GRM8: variants seen among roughly 807,000 people sequenced by gnomAD.
GRM8 encodes glutamate metabotropic receptor 8.
A neutral mutation model predicts 87.2 loss-of-function variants in GRM8; 47 were observed. The ratio of observed to expected loss-of-function variants is 0.54; its 90% CI spans 0.43 to 0.69. GRM8 has a LOEUF of 0.69. Among genes scored for constraint, GRM8 ranks in the 30% least tolerant of loss-of-function variants. The pLI, the probability that GRM8 is intolerant of heterozygous loss-of-function variation, is 0.00. For synonymous variants in GRM8, 396 were observed against 404.5 expected (o/e 0.98, Z 0.25); for missense variants, 1,019 against 1,139.2 (o/e 0.89, Z 1.52).
intron 6 of GRM8, among the ~76,000 whole-genome samples, chr7:126,842,278 A>G (rs777967396): frequency 1.3e-5 from 2 of 152,224 alleles, no homozygotes; most frequent in Non-Finnish European, 2.9e-5. Context: ...AAGAGGCAAT[A>G]GGATACTGCA....
Position 126,822,589 on chromosome 7 carries a change from C to T in GRM8, c.1157-52524G>A, listed in dbSNP as rs938854823. Among the ~76,000 whole-genome samples, 7 of 151,648 alleles carry T rather than the reference C, an allele frequency of 4.6e-5. 1 individual carries two copies. The highest frequency in any genetic ancestry group is 1.7e-4 in the African/African-American group (7 of 41,240). ...CTCCCTTACTTTAGAGATGGGATCT[C>T]ACTATGTTGCCCAGGCTGGAGTGCA... On this transcript the variant is annotated intron_variant, in intron 6 of 10. Coordinates refer to ENST00000339582, the MANE Select transcript of GRM8 (RefSeq NM_000845.3).
intron 9 of GRM8, among the ~76,000 whole-genome samples, chr7:126,479,977 G>A (rs117525026): frequency 1.2e-4 from 19 of 152,200 alleles, no homozygotes; most frequent in Middle Eastern, 3.4e-3. Context: ...GAATGTGATG[G>A]CAACCCAAGG....
intron 2 of GRM8, among the ~76,000 whole-genome samples, chr7:127,197,451 G>T (rs1273372465): frequency 6.6e-6 from 1 of 152,062 alleles, no homozygotes; most frequent in East Asian, 1.9e-4. Context: ...AGAGGGAGAG[G>T]GTTGTGACCA....
At position 127,029,555 on chromosome 7, in the gene GRM8, T is replaced by C. The variant is rs147077234; in HGVS notation, c.727+76941A>G. Among the ~76,000 whole-genome samples the C allele has an allele frequency of 8.5e-3, 1,287 of 152,292 alleles. 26 individuals are homozygous for C. The highest frequency in any genetic ancestry group is 0.029 in the African/African-American group (1,218 of 41,566). ...ATATATATTTAGGATAGTTAGCTCT[T>C]CTTGTTGAATGGATCCCTTTACCAT... On this transcript the variant is annotated intron_variant, in intron 3 of 10. Coordinates refer to ENST00000339582, the MANE Select transcript of GRM8 (RefSeq NM_000845.3).
intron 3 of GRM8, among the ~76,000 whole-genome samples, chr7:126,985,765 T>C (rs1405187411): frequency 1.3e-5 from 2 of 152,166 alleles, no homozygotes; most frequent in Non-Finnish European, 1.5e-5. Context: ...ATTTATCTAT[T>C]AAGCCATGAA....
intron 7 of GRM8, among the ~76,000 whole-genome samples, chr7:126,731,946 A>C (rs1813641028): frequency 6.6e-6 from 1 of 152,010 alleles, no homozygotes; most frequent in Non-Finnish European, 1.5e-5. Context: ...GAATTCTAAC[A>C]GATAATATAT....
intron 6 of GRM8, among the ~76,000 whole-genome samples, chr7:126,855,473 T>TC (rs1797590204): frequency 5.2e-5 from 1 of 19,096 alleles, no homozygotes; most frequent in Non-Finnish European, 1.1e-4. Context: ...ATGATTTATC[T>TC]TTTTTTTTTT....
At chr7:127,212,139 C>T (rs1381011135) in intron 2 of GRM8, among the ~76,000 whole-genome samples, 3 of 152,170 alleles carry the variant, frequency 2.0e-5, no homozygotes, top group Non-Finnish European at 4.4e-5. Context: ...ACAAATACAG[C>T]ACTTTAGAGG....
In GRM8 at chr7:127,129,902, G is replaced by A. The variant is rs143755230; in HGVS notation, c.511-23190C>T. ...GAATTTGTGGCAGGTCAGGAAGAAC[G>A]ATATGGTTTGGCTCTATGTCCCCAC... On this transcript the variant is annotated intron_variant, in intron 2 of 10. Transcript: ENST00000339582. Among the ~76,000 whole-genome samples the A allele has an allele frequency of 7.8e-3, 1,191 of 152,252 alleles. 10 individuals carry two copies. Among genetic ancestry groups the A allele is most frequent in the African/African-American group, 0.026 (1,095 of 41,554 alleles).
chr7:126,495,243 T>G (rs1179921316), intron 9 of GRM8, among the ~76,000 whole-genome samples: 1 of 151,960 alleles, frequency 6.6e-6, no homozygotes, highest in Non-Finnish European at 1.5e-5. Context: ...ATGGAAAATT[T>G]TAGAAGAGAA....
At chr7:126,845,178 T>TC (rs752677830) in intron 6 of GRM8, among the ~76,000 whole-genome samples, 2 of 152,246 alleles carry the variant, frequency 1.3e-5, no homozygotes, top group Non-Finnish European at 1.5e-5. Context: ...TGTAATCAGA[T>TC]CACTTCATTA....
chr7:126,554,736 T>C (rs1462078030), intron 8 of GRM8, among the ~76,000 whole-genome samples: 1 of 152,196 alleles, frequency 6.6e-6, no homozygotes, highest in African/African-American at 2.4e-5. Flanking sequence ...TTTATAAAAG[T>C]TTTCAGAAAT....
intron 3 of GRM8, among the ~76,000 whole-genome samples, chr7:126,984,334 G>C (rs1811834471): frequency 6.6e-6 from 1 of 152,152 alleles, no homozygotes; most frequent in Non-Finnish European, 1.5e-5. Flanking sequence ...ATGGATCCTG[G>C]GTGTGTCTGT....
At chr7:126,568,263 G>A (rs892566974) in intron 8 of GRM8, among the ~76,000 whole-genome samples, 3 of 152,046 alleles carry the variant, frequency 2.0e-5, no homozygotes, top group South Asian at 2.1e-4. Context: ...TCTGTTTAAA[G>A]TGAACATTCA....
At chr7:127,251,966 CGAG>C (rs1798901681) in intron 1 of GRM8, among the ~76,000 whole-genome samples, 1 of 152,172 alleles carries the variant, frequency 6.6e-6, no homozygotes, top group South Asian at 2.1e-4. Context: ...ATGTGGGTGT[CGAG>C]GACCCCGAAG....
At chr7:127,058,597 T>C (rs1337097232) in intron 3 of GRM8, among the ~76,000 whole-genome samples, 1 of 152,204 alleles carries the variant, frequency 6.6e-6, no homozygotes, top group Non-Finnish European at 1.5e-5. Context: ...CCTCAAATTG[T>C]TTTCCTTCAC....
chr7:126,788,420 A>AAAAAAAAAACAAAAAAC lies in GRM8; in HGVS notation c.1157-18356_1157-18355insGTTTTTTGTTTTTTTTT. On this transcript the variant is annotated intron_variant, in intron 6 of 10. Coordinates refer to ENST00000339582, the MANE Select transcript of GRM8 (RefSeq NM_000845.3). ...GCAAGACTCCATCTCAAAAAAAAAA[A>AAAAAAAAAACAAAAAAC]AAACCCTTTCAGATATCTTTAACAT... Among the ~76,000 whole-genome samples the AAAAAAAAAACAAAAAAC allele has an allele frequency of 4.6e-4, 37 of 81,130 alleles. 2 individuals carry two copies. Among genetic ancestry groups the AAAAAAAAAACAAAAAAC allele is most frequent in the Non-Finnish European group, 1.6e-4 (7 of 42,992 alleles). 53.2% of individuals were successfully genotyped at this position (81,130 alleles called of 152,430 possible).
intron 2 of GRM8, among the ~76,000 whole-genome samples, chr7:127,242,405 G>T (rs1257794690): frequency 6.6e-6 from 1 of 151,742 alleles, no homozygotes; most frequent in Non-Finnish European, 1.5e-5. Flanking sequence ...GCCTAACAAA[G>T]AGGTTATCCC....
At chr7:126,818,900 G>A (rs1371962779) in intron 6 of GRM8, among the ~76,000 whole-genome samples, 1 of 152,088 alleles carries the variant, frequency 6.6e-6, no homozygotes, top group African/African-American at 2.4e-5. Flanking sequence ...CAGTCTACAG[G>A]TATACCTTGG....
Sources: gnomAD v4.1 joint callset for allele counts (sites outside exome capture counted in the v4.1 genomes callset) on GRCh38, gnomAD v4.1.1 for gene constraint, MANE v1.5 for transcripts, NCBI Gene and HGNC (gene_info 2026-07-23, HGNC 2026-07-21) for gene names.